Variants in ZWILCH observed in about 807,000 individuals in gnomAD.
ZWILCH encodes protein zwilch homolog.
In ZWILCH, 74 loss-of-function variants were observed where a neutral mutation model predicts 79.9. The ratio of observed to expected loss-of-function variants is 0.93; its 90% confidence interval spans 0.77 to 1.12. The LOEUF (loss-of-function observed/expected upper bound fraction) is 1.12. Ranked by LOEUF, ZWILCH falls within the 50% of genes most tolerant of loss-of-function variation. ZWILCH has a pLI of 0.00. For synonymous variants in ZWILCH, 241 were observed against 228.2 expected (o/e 1.06, Z -0.51); for missense variants, 694 against 687.5 (o/e 1.01, Z -0.11).
intron 1 of ZWILCH, 94 bp downstream of exon 1, chr15:66,505,485 G>A: frequency 2.0e-6 from 3 of 1,485,898 alleles, no homozygotes; most frequent in Non-Finnish European, 2.8e-6. Context: ...GCCACTCTGG[G>A]GATCAGCGCT....
chr15:66,527,427 T>C, intron 9 of ZWILCH, 44 bp downstream of exon 9: 1 of 1,443,090 alleles, frequency 6.9e-7, no homozygotes, highest in Non-Finnish European at 9.7e-7. Flanking sequence ...ACTTGCTATG[T>C]TTAAATATAA....
intron 16 of ZWILCH, among the ~76,000 whole-genome samples, chr15:66,539,074 C>G (rs1164727225): frequency 6.6e-6 from 1 of 152,104 alleles, no homozygotes; most frequent in East Asian, 1.9e-4. Flanking sequence ...ACACCTCATC[C>G]CCTTCTCAAT....
chr15:66,527,263 T>C (rs748226830), intron 8 of ZWILCH, 27 bp from the exon 9 acceptor site: 5 of 1,553,850 alleles, frequency 3.2e-6, no homozygotes, highest in Non-Finnish European at 4.4e-6. Flanking sequence ...TGCTAACAAG[T>C]TTTTGGGGTT....
In ZWILCH at chr15:66,527,281, C is replaced by A; in HGVS notation, c.820-9C>A. 2 of 1,611,466 alleles carry A rather than the reference C, an allele frequency of 1.2e-6. No homozygotes were observed. Among genetic ancestry groups the A allele is most frequent in the South Asian group, 2.2e-5 (2 of 90,640 alleles). ...TAACAAGTTTTTGGGGTTTTTAAAT[C>A]TCCTGTAGGTTTTGGCTGATGGTTT... On this transcript the variant is annotated splice_polypyrimidine_tract_variant and intron_variant, in intron 8 of 18. Transcript: ENST00000307897.
At position 66,548,426 on chromosome 15, in the gene ZWILCH, A is replaced by C; in HGVS notation, c.*102A>C. ...AAACAGCAATGTATGGAAACCCTCA[A>C]AGCAGAAAAGGGAGGAAGATCCTGA... is the stretch of plus-strand genomic sequence containing the variant. On this transcript the variant is annotated 3_prime_UTR_variant, in exon 19 of 19. Transcript: ENST00000307897. The C allele has an allele frequency of 1.2e-6, 1 of 824,318 alleles. No homozygotes were observed. The highest frequency in any genetic ancestry group is 2.5e-5 in the East Asian group (1 of 39,648). 51.1% of individuals were successfully genotyped at this position (824,318 alleles called of 1,614,324 possible).
chr15:66,506,204 T>G (rs926104590), intron 1 of ZWILCH, among the ~76,000 whole-genome samples: 1 of 152,186 alleles, frequency 6.6e-6, no homozygotes, highest in Non-Finnish European at 1.5e-5. Context: ...CTTCATTGCT[T>G]TTTTTCCTGC....
intron 17 of ZWILCH, 63 bp downstream of exon 17, chr15:66,540,273 T>C (rs1895152750): frequency 2.1e-6 from 3 of 1,396,048 alleles, no homozygotes; most frequent in Non-Finnish European, 3.0e-6. Context: ...TAAGTCTGGC[T>C]GGGCACAGCG....
chr15:66,520,770 T>A, intron 6 of ZWILCH, 110 bp downstream of exon 6: 1 of 765,596 alleles, frequency 1.3e-6, no homozygotes, highest in Non-Finnish European at 2.1e-6. Flanking sequence ...TTTTCTGTAG[T>A]ATGAAAATGT....
intron 7 of ZWILCH, among the ~76,000 whole-genome samples, chr15:66,522,483 G>A (rs1366241817): frequency 1.3e-5 from 2 of 151,886 alleles, no homozygotes; most frequent in East Asian, 2.0e-4. Context: ...GACTACAGGT[G>A]CATGCCACCA....
Position 66,518,153 on chromosome 15 carries a change from A to T in ZWILCH, c.321-726A>T, listed in dbSNP as rs143539683. On this transcript the variant is annotated intron_variant, in intron 4 of 18. Transcript: ENST00000307897. ...AAGCTCCCTGCTCATAGTAGCTCCA[A>T]TCCTGTCATACTCTGTCACTTTCTG... is the stretch of plus-strand genomic sequence containing the variant. Among the ~76,000 whole-genome samples the T allele has an allele frequency of 6.4e-4, 98 of 152,004 alleles. No homozygotes were observed. In the Middle Eastern group the frequency reaches 0.01, roughly 16 times the overall value.
intron 1 of ZWILCH, 91 bp downstream of exon 1, chr15:66,505,482 T>A (rs1893777193): frequency 1.7e-5 from 26 of 1,499,400 alleles, no homozygotes; most frequent in Non-Finnish European, 2.3e-5. Flanking sequence ...CTTGCCACTC[T>A]GGGGATCAGC....
chr15:66,530,084 TATATTGGCATAAAAATTTAAAGGACCTAA>T (rs1379898575), intron 12 of ZWILCH, among the ~76,000 whole-genome samples: 1 of 152,218 alleles, frequency 6.6e-6, no homozygotes, highest in Non-Finnish European at 1.5e-5. Context: ...CAGCCTCATT[TATATTGGCATAAAAATTTAAAGGACCTAA>T]ATTTCTCTTG....
At chr15:66,517,622 C>G (rs963900344) in intron 4 of ZWILCH, among the ~76,000 whole-genome samples, 1 of 148,700 alleles carries the variant, frequency 6.7e-6, no homozygotes, top group South Asian at 2.1e-4. Context: ...AACATTATTA[C>G]AATACCATTA....
intron 16 of ZWILCH, among the ~76,000 whole-genome samples, chr15:66,539,206 T>C (rs1189330998): frequency 6.6e-6 from 1 of 151,856 alleles, no homozygotes; most frequent in African/African-American, 2.4e-5. Context: ...TGGTTACCGA[T>C]AGCCTGGGCA....
At chr15:66,525,092 A>G (rs1327101891) in intron 8 of ZWILCH, among the ~76,000 whole-genome samples, 1 of 152,184 alleles carries the variant, frequency 6.6e-6, no homozygotes, top group East Asian at 1.9e-4. Flanking sequence ...TCTCCAGACT[A>G]CATCCTCTTT....
chr15:66,509,819 CTACATATATATATA>C (rs1226387605), intron 2 of ZWILCH, among the ~76,000 whole-genome samples: 17 of 49,848 alleles, frequency 3.4e-4, no homozygotes, highest in African/African-American at 1.0e-3. Flanking sequence ...GTGTGTGTGG[CTACATATATATATA>C]TATATATATA....
intron 12 of ZWILCH, 37 bp downstream of exon 12, chr15:66,529,610 C>T (rs1402664322): frequency 6.7e-7 from 1 of 1,494,360 alleles, no homozygotes; most frequent in South Asian, 1.1e-5. Context: ...ATTTTCTCAG[C>T]AGCATAGCAT....
chr15:66,511,311 C>T (rs561289142), intron 2 of ZWILCH, among the ~76,000 whole-genome samples: 1 of 151,854 alleles, frequency 6.6e-6, no homozygotes, highest in Non-Finnish European at 1.5e-5. Flanking sequence ...TATGGTGAGA[C>T]CTTGTCTCTA....
intron 7 of ZWILCH, among the ~76,000 whole-genome samples, chr15:66,522,448 C>T (rs956917960): frequency 6.6e-6 from 1 of 151,468 alleles, no homozygotes; most frequent in African/African-American, 2.4e-5. Flanking sequence ...AGCAGTTCTC[C>T]TGCCTCAGCC....
Sources: allele counts gnomAD v4.1 joint callset (sites outside exome capture counted in the v4.1 genomes callset), GRCh38; gene constraint gnomAD v4.1.1; transcripts MANE v1.5; gene names NCBI Gene and HGNC (gene_info 2026-07-23, HGNC 2026-07-21).